Variants in RAB27A observed in about 807,000 individuals in gnomAD.
RAB27A encodes the protein ras-related protein Rab-27A.
Under a neutral mutation model 20.8 loss-of-function variants are expected in RAB27A, and 17 were observed. The ratio of observed to expected loss-of-function variants is 0.82; its 90% confidence interval spans 0.56 to 1.23. The LOEUF (loss-of-function observed/expected upper bound fraction) is 1.23, where lower values mean the gene tolerates loss of function less well. Among genes scored for constraint, RAB27A ranks in the 50% most tolerant of loss-of-function variants. The pLI, the probability that RAB27A is intolerant of heterozygous loss-of-function variation, is 0.00. For missense variants in RAB27A, 277 were observed against 266.7 expected (o/e 1.04, Z -0.27); for synonymous variants, 85 against 92.8 (o/e 0.92, Z 0.48).
At chr15:55,315,784 G>A (rs1370984557) in intron 1 of RAB27A, among the ~76,000 whole-genome samples, 1 of 152,188 alleles carries the variant, frequency 6.6e-6, no homozygotes, top group Non-Finnish European at 1.5e-5. Context: ...GGAGAAATAC[G>A]AACGCTTTTA....
intron 2 of RAB27A, among the ~76,000 whole-genome samples, chr15:55,295,946 G>C (rs1002648191): frequency 4.7e-5 from 7 of 148,720 alleles, no homozygotes; most frequent in African/African-American, 1.2e-4. Flanking sequence ...ACCCAGGCTA[G>C]AGTGCAGCGG....
intron 2 of RAB27A, among the ~76,000 whole-genome samples, chr15:55,297,968 C>T (rs1007652476): frequency 3.9e-5 from 6 of 151,902 alleles, no homozygotes; most frequent in African/African-American, 1.5e-4. Context: ...TTTGGGAGGC[C>T]GAGGTGGGCA....
chr15:55,273,408 CAAAAAA>C (rs538573721), intron 1 of RAB27A, among the ~76,000 whole-genome samples: 4 of 109,694 alleles, frequency 3.6e-5, no homozygotes, highest in Non-Finnish European at 5.8e-5. Context: ...GACTCCATCT[CAAAAAA>C]AAAAAAATAA....
intron 2 of RAB27A, among the ~76,000 whole-genome samples, chr15:55,243,423 G>C (rs1486427291): frequency 6.6e-6 from 1 of 152,064 alleles, no homozygotes. Context: ...GGGAGGCCGA[G>C]GAGGGTGGAT....
At chr15:55,260,253 T>G (rs1436813863) in intron 2 of RAB27A, among the ~76,000 whole-genome samples, 2 of 152,156 alleles carry the variant, frequency 1.3e-5, no homozygotes, top group African/African-American at 4.8e-5. Flanking sequence ...TATACACCTA[T>G]CAGAATGACC....
chr15:55,307,019 C>A (rs755423019), intron 2 of RAB27A, among the ~76,000 whole-genome samples: 1 of 151,872 alleles, frequency 6.6e-6, no homozygotes, highest in Non-Finnish European at 1.5e-5. Flanking sequence ...GGGTTTGATT[C>A]GAGTGTGATG....
intron 2 of RAB27A, among the ~76,000 whole-genome samples, chr15:55,268,041 G>C (rs1172696034): frequency 1.3e-5 from 2 of 152,198 alleles, no homozygotes; most frequent in African/African-American, 4.8e-5. Flanking sequence ...AGTGGTAAGA[G>C]ACAGAGAGAG....
At chr15:55,210,617 ATT>A (rs1894979494) in intron 6 of RAB27A, among the ~76,000 whole-genome samples, 1 of 151,246 alleles carries the variant, frequency 6.6e-6, no homozygotes, top group Non-Finnish European at 1.5e-5. Flanking sequence ...AAAACAGATT[ATT>A]TGTTTTTGCT....
intron 2 of RAB27A, among the ~76,000 whole-genome samples, chr15:55,258,384 G>A (rs1440685630): frequency 2.0e-5 from 3 of 152,124 alleles, no homozygotes; most frequent in Non-Finnish European, 2.9e-5. Context: ...CATGATATTT[G>A]TATGACCTAC....
intron 2 of RAB27A, among the ~76,000 whole-genome samples, chr15:55,249,747 T>C (rs1186557742): frequency 6.6e-6 from 1 of 152,182 alleles, no homozygotes; most frequent in Non-Finnish European, 1.5e-5. Context: ...AAGAAAGGTG[T>C]GTTGAAACTC....
chr15:55,251,460 G>A (rs1896887837), intron 2 of RAB27A, among the ~76,000 whole-genome samples: 2 of 152,182 alleles, frequency 1.3e-5, no homozygotes, highest in Admixed American at 1.3e-4. Flanking sequence ...GGGCAAGAGA[G>A]AAAACTGCAG....
At chr15:55,210,028 ATATG>A (rs1250498990) in intron 6 of RAB27A, among the ~76,000 whole-genome samples, 9 of 143,060 alleles carry the variant, frequency 6.3e-5, no homozygotes, top group African/African-American at 1.0e-4. Flanking sequence ...ATACGCATAT[ATATG>A]TGTGTGTACA....
chr15:55,283,807 G>A (rs1898079934), intron 1 of RAB27A, among the ~76,000 whole-genome samples: 1 of 146,886 alleles, frequency 6.8e-6, no homozygotes, highest in African/African-American at 2.4e-5. Flanking sequence ...CCCTTATTAG[G>A]GCTAGTACAG....
chr15:55,231,999 G>A (rs542951291), intron 3 of RAB27A, among the ~76,000 whole-genome samples: 2 of 152,232 alleles, frequency 1.3e-5, no homozygotes, highest in Admixed American at 6.5e-5. Flanking sequence ...CATGTTCATG[G>A]GCAGGGCTCT....
intron 2 of RAB27A, among the ~76,000 whole-genome samples, chr15:55,252,466 G>C (rs1896924715): frequency 6.6e-6 from 1 of 152,050 alleles, no homozygotes; most frequent in Non-Finnish European, 1.5e-5. Context: ...GCTAGGCGTG[G>C]GGACACGTGC....
upstream of RAB27A, among the ~76,000 whole-genome samples, chr15:55,290,663 C>A (rs976634222): frequency 6.6e-6 from 1 of 152,224 alleles, no homozygotes; most frequent in African/African-American, 2.4e-5. Context: ...GGTGTCGCTC[C>A]GGCCTGCGGG....
chr15:55,259,175 T>C (rs78002398), intron 2 of RAB27A, among the ~76,000 whole-genome samples: 2,163 of 152,180 alleles, frequency 0.014, 60 homozygotes, highest in African/African-American at 0.05. Flanking sequence ...TTATAAGTTA[T>C]GTATGTTGCA....
intron 2 of RAB27A, among the ~76,000 whole-genome samples, chr15:55,249,580 C>A (rs1896813422): frequency 6.6e-6 from 1 of 152,150 alleles, no homozygotes; most frequent in South Asian, 2.1e-4. Flanking sequence ...CATGCCCGGG[C>A]TGAATTAAGT....
chr15:55,283,270 C>T (rs1898063302), intron 1 of RAB27A, among the ~76,000 whole-genome samples: 1 of 152,184 alleles, frequency 6.6e-6, no homozygotes, highest in Admixed American at 6.5e-5. Context: ...CTAAATGTCC[C>T]ATGTGGGGTG....
Sources: gnomAD v4.1 joint callset for allele counts (sites outside exome capture counted in the v4.1 genomes callset) on GRCh38, gnomAD v4.1.1 for gene constraint, MANE v1.5 for transcripts, NCBI Gene and HGNC (gene_info 2026-07-23, HGNC 2026-07-21) for gene names.